RIMKLA: variants seen among roughly 807,000 people sequenced by gnomAD.
RIMKLA encodes N-acetylaspartylglutamate synthase A.
RIMKLA carries 14 observed loss-of-function variants against 32.7 expected under a neutral mutation model. The ratio of observed to expected loss-of-function variants is 0.43; its 90% CI spans 0.28 to 0.67. RIMKLA has a LOEUF of 0.67. Among genes scored for constraint, RIMKLA ranks in the 30% least tolerant of loss-of-function variants. RIMKLA has a pLI of 0.18. For synonymous variants in RIMKLA, 176 were observed against 204.1 expected (o/e 0.86, Z 1.18); for missense variants, 410 against 519.0 (o/e 0.79, Z 2.04).
chr1:42,411,336 T>TA (rs552496213), intron 4 of RIMKLA, among the ~76,000 whole-genome samples: 11,706 of 139,226 alleles, frequency 0.084, 1,498 homozygotes, highest in African/African-American at 0.28. Flanking sequence ...CCCTATCTCT[T>TA]AAAAAAAAAA....
intron 1 of RIMKLA, among the ~76,000 whole-genome samples, chr1:42,385,983 G>A (rs1235503607): frequency 1.3e-5 from 2 of 149,818 alleles, no homozygotes; most frequent in African/African-American, 4.9e-5. Flanking sequence ...GTGCAGTGGT[G>A]TGATCTCAGC....
intron 1 of RIMKLA, among the ~76,000 whole-genome samples, chr1:42,394,007 T>C (rs1456015481): frequency 6.6e-6 from 1 of 152,188 alleles, no homozygotes; most frequent in Non-Finnish European, 1.5e-5. Flanking sequence ...CTGGTCTCGA[T>C]CTCCTGACCT....
chr1:42,414,434 T>C, intron 4 of RIMKLA, 50 bp from the exon 5 acceptor site: 1 of 1,582,866 alleles, frequency 6.3e-7, no homozygotes, highest in South Asian at 1.2e-5. Flanking sequence ...CTTTGAAGAG[T>C]CATCTGACTT....
At chr1:42,390,407 C>T (rs993290475) in intron 1 of RIMKLA, among the ~76,000 whole-genome samples, 2 of 151,982 alleles carry the variant, frequency 1.3e-5, no homozygotes, top group Non-Finnish European at 2.9e-5. Context: ...TCTAATACAG[C>T]GGGAGAAATT....
At position 42,417,368 on chromosome 1, in the gene RIMKLA, G is replaced by A. The variant is rs1643257544; in HGVS notation, c.*2394G>A. 1 of 152,234 alleles carries A rather than the reference G, an allele frequency of 6.6e-6. No homozygotes were observed. The highest frequency in any genetic ancestry group is 2.4e-5 in the African/African-American group (1 of 41,446). 9.4% of individuals were successfully genotyped at this position (152,234 alleles called of 1,614,324 possible). A position where few individuals can be genotyped will look rare whatever the true frequency, so the allele number is the denominator to read the frequency against. On this transcript the variant is annotated 3_prime_UTR_variant, in exon 5 of 5. Transcript: ENST00000431473. ...AATCCAGGATTTCCCATACCATGCTGGCTGTGGGCTCTGTGAGCCTCAGCC... is the reference window on the plus strand; with the variant it reads ...AATCCAGGATTTCCCATACCATGCTAGCTGTGGGCTCTGTGAGCCTCAGCC...
Position 42,423,539 on chromosome 1 carries a change from G to T in RIMKLA, c.*8565G>T, listed in dbSNP as rs1188364707. On this transcript the variant is annotated 3_prime_UTR_variant, in exon 5 of 5. Transcript: ENST00000431473. ...GAAGTACTTTGGAAAGGTTGCTGAT[G>T]GCTTCCCTACCCTCTTGACGGTGGC... 6.6e-6 allele frequency among the ~76,000 whole-genome samples: 1 copy of T among 152,184 alleles called. No individual in the cohort carries two copies. The highest frequency in any genetic ancestry group is 1.5e-5 in the Non-Finnish European group (1 of 68,042).
intron 1 of RIMKLA, among the ~76,000 whole-genome samples, chr1:42,386,593 T>TAG (rs34696826): frequency 1.1e-4 from 16 of 150,870 alleles, no homozygotes; most frequent in African/African-American, 2.9e-4. Flanking sequence ...AATAAAAAAT[T>TAG]GGGGGGGTGC....
rs1430302244 is a variant in RIMKLA, at chr1:42,423,031, A to G, written c.*8057A>G. ...CTCTGACAGGTCAGGCAGGGCCCTCAGGACTTGTGTTTGCCTGACATTTCA... is the reference window on the plus strand; with the variant it reads ...CTCTGACAGGTCAGGCAGGGCCCTCGGGACTTGTGTTTGCCTGACATTTCA... On this transcript the variant is annotated 3_prime_UTR_variant, in exon 5 of 5. Transcript: ENST00000431473. Among the ~76,000 whole-genome samples, 4 of 152,202 alleles carry G rather than the reference A, an allele frequency of 2.6e-5. No homozygotes were observed. Among genetic ancestry groups the G allele is most frequent in the African/African-American group, 4.8e-5 (2 of 41,458 alleles).
chr1:42,397,234 T>C (rs1018640889), intron 1 of RIMKLA, among the ~76,000 whole-genome samples: 11 of 152,170 alleles, frequency 7.2e-5, no homozygotes, highest in African/African-American at 2.7e-4. Context: ...ATGTAGTAGT[T>C]TTGTGGGTGT....
At chr1:42,395,291 T>G (rs1444186858) in intron 1 of RIMKLA, among the ~76,000 whole-genome samples, 3 of 152,154 alleles carry the variant, frequency 2.0e-5, no homozygotes. Context: ...CTGTCCTAAC[T>G]TGTTTGAGGT....
chr1:42,389,576 C>T (rs1396304162), intron 1 of RIMKLA, among the ~76,000 whole-genome samples: 3 of 152,130 alleles, frequency 2.0e-5, no homozygotes, highest in Non-Finnish European at 2.9e-5. Context: ...CTTTGGGAGG[C>T]CGAGGTGGGC....
rs779836204 is a variant in RIMKLA, at chr1:42,414,969, A to C, written c.1171A>C (p.Lys391Gln). The C allele has an allele frequency of 6.2e-7, 1 of 1,601,018 alleles. No homozygotes were observed. The highest frequency in any genetic ancestry group is 2.2e-5 in the East Asian group (1 of 44,712). Residue 391 changes from lysine (K) to glutamine (Q), a missense_variant, in exon 5 of 5, where the codon AAG becomes CAG. Physicochemically the swap from Lys to Gln is moderately conservative, Grantham distance 53. Transcript: ENST00000431473. Reference protein sequence around the residue: ...NNRIASELKLK With the variant: ...NNRIASELKLQ The stretch of plus-strand genomic sequence containing the variant: ...CAGGATTGCTTCTGAGTTAAAACTT[A>C]AGTGAATTCCTGCTTTTTGGCAGCA...
chr1:42,397,808 T>C (rs990148475), intron 1 of RIMKLA, among the ~76,000 whole-genome samples: 1 of 152,190 alleles, frequency 6.6e-6, no homozygotes, highest in Non-Finnish European at 1.5e-5. Context: ...CAAGTATAAT[T>C]CCTTGAACTA....
intron 2 of RIMKLA, among the ~76,000 whole-genome samples, chr1:42,402,285 C>T (rs1449665468): frequency 1.3e-5 from 2 of 152,160 alleles, no homozygotes; most frequent in Admixed American, 6.5e-5. Flanking sequence ...GGAATTAAGA[C>T]AGCAGATGGA....
At chr1:42,406,193 A>G (rs1362114258) in intron 3 of RIMKLA, among the ~76,000 whole-genome samples, 2 of 152,226 alleles carry the variant, frequency 1.3e-5, no homozygotes, top group Admixed American at 6.5e-5. Context: ...TTAAATATAC[A>G]TAATGTTTTG....
At chr1:42,394,369 A>G (rs1050957623) in intron 1 of RIMKLA, among the ~76,000 whole-genome samples, 2 of 152,246 alleles carry the variant, frequency 1.3e-5, no homozygotes, top group African/African-American at 4.8e-5. Flanking sequence ...ACATGCATGC[A>G]CAGGTTGGAG....
chr1:42,384,479 G>C (rs1425090634), intron 1 of RIMKLA, among the ~76,000 whole-genome samples: 1 of 146,132 alleles, frequency 6.8e-6, no homozygotes, highest in Non-Finnish European at 1.5e-5. Context: ...CCATATATGT[G>C]TGTGTGTGTA....
chr1:42,407,054 C>T (rs6703709), intron 3 of RIMKLA, among the ~76,000 whole-genome samples: 61,472 of 151,742 alleles, frequency 0.41, 13,004 homozygotes, highest in Middle Eastern at 0.55. Context: ...TATAGGCATG[C>T]GCCACCATGC....
intron 1 of RIMKLA, among the ~76,000 whole-genome samples, chr1:42,388,459 C>T (rs1480651406): frequency 6.6e-6 from 1 of 151,800 alleles, no homozygotes; most frequent in African/African-American, 2.4e-5. Flanking sequence ...CCTATCTCGG[C>T]CTCCCAAAGT....
Sources: allele counts gnomAD v4.1 joint callset (sites outside exome capture counted in the v4.1 genomes callset), GRCh38; gene constraint gnomAD v4.1.1; transcripts MANE v1.5; gene names NCBI Gene and HGNC (gene_info 2026-07-23, HGNC 2026-07-21).